Variants in SLC4A5 observed in about 807,000 individuals in gnomAD.
SLC4A5 encodes the protein electrogenic sodium bicarbonate cotransporter 4.
Under a neutral mutation model 120.4 loss-of-function variants are expected in SLC4A5, and 96 were observed. The observed-to-expected ratio is 0.80, with a 90% CI of 0.68 to 0.94. SLC4A5 has a LOEUF of 0.94. SLC4A5 is among the 40% of genes least tolerant of loss of function. The pLI, the probability that SLC4A5 is intolerant of heterozygous loss-of-function variation, is 0.00. For missense variants in SLC4A5, 1,259 were observed against 1,459.5 expected (o/e 0.86, Z 2.24); for synonymous variants, 550 against 571.1 (o/e 0.96, Z 0.53).
chr2:74,262,698 C>CAACAAAAAA (rs1671180308), intron 10 of SLC4A5, among the ~76,000 whole-genome samples: 1 of 106,604 alleles, frequency 9.4e-6, no homozygotes. Flanking sequence ...GACTCCGTCT[C>CAACAAAAAA]AAAAAAAAAA....
chr2:74,285,283 A>G (rs903295061), intron 8 of SLC4A5, among the ~76,000 whole-genome samples: 18 of 152,092 alleles, frequency 1.2e-4, no homozygotes, highest in African/African-American at 4.3e-4. Flanking sequence ...AATGCAGTTG[A>G]CCCCTGAACA....
chr2:74,227,428 G>C, intron 26 of SLC4A5: 1 of 1,500,002 alleles, frequency 6.7e-7, no homozygotes, highest in Non-Finnish European at 9.0e-7. Flanking sequence ...AGAATTCTGG[G>C]ATTTCACAGT....
chr2:74,290,756 G>A, intron 7 of SLC4A5: 1 of 986,098 alleles, frequency 1.0e-6, no homozygotes, highest in Non-Finnish European at 1.2e-6. Flanking sequence ...AGGAAGCCGG[G>A]TCTCCACAGC....
chr2:74,306,178 T>C (rs1218860522), intron 6 of SLC4A5, among the ~76,000 whole-genome samples: 1 of 152,200 alleles, frequency 6.6e-6, no homozygotes, highest in Non-Finnish European at 1.5e-5. Context: ...CCAAAGGGCA[T>C]CAGCCTAATG....
intron 17 of SLC4A5, among the ~76,000 whole-genome samples, chr2:74,250,140 T>C (rs1366844232): frequency 1.3e-5 from 2 of 152,262 alleles, no homozygotes; most frequent in Non-Finnish European, 2.9e-5. Context: ...GTTTGGTCTT[T>C]AGTAATGAGA....
chr2:74,274,916 T>C (rs899647375), intron 8 of SLC4A5, among the ~76,000 whole-genome samples: 3 of 152,230 alleles, frequency 2.0e-5, no homozygotes, highest in African/African-American at 2.4e-5. Context: ...CAGTGTTTAA[T>C]AGACTTAGGA....
chr2:74,261,655 C>G (rs1294858373), intron 11 of SLC4A5, among the ~76,000 whole-genome samples: 2 of 152,172 alleles, frequency 1.3e-5, no homozygotes, highest in Non-Finnish European at 2.9e-5. Context: ...ACACCCCGCC[C>G]CCTACCAGCC....
intron 18 of SLC4A5, among the ~76,000 whole-genome samples, chr2:74,247,576 G>C (rs1193999250): frequency 6.6e-6 from 1 of 151,646 alleles, no homozygotes; most frequent in Admixed American, 6.6e-5. Context: ...CTGCAATGGC[G>C]TGATCTTGGC....
Position 74,308,796 on chromosome 2 carries a change from C to T in SLC4A5, c.80-4116G>A, listed in dbSNP as rs527362507. Among the ~76,000 whole-genome samples, 41 of 151,798 alleles carry T rather than the reference C, an allele frequency of 2.7e-4. 2 individuals are homozygous for T. The highest frequency in any genetic ancestry group is 9.7e-4 in the African/African-American group (40 of 41,374). On this transcript the variant is annotated intron_variant, in intron 6 of 30. Coordinates refer to ENST00000394019, the Ensembl canonical transcript of SLC4A5. Reference sequence around the variant, plus strand: ...TTGTATCTAAAAACTCATCACCAGACCTAAGGTCACCTAGATTTTCTCATA... The same window carrying T: ...TTGTATCTAAAAACTCATCACCAGATCTAAGGTCACCTAGATTTTCTCATA...
At chr2:74,216,858 C>G (rs545972165) in exon 31 of SLC4A5, 1 of 152,354 alleles carries the variant, frequency 6.6e-6, no homozygotes, top group East Asian at 1.9e-4. Flanking sequence ...ATTCCCCCCA[C>G]CTCTGCCTCC....
intron 6 of SLC4A5, among the ~76,000 whole-genome samples, chr2:74,308,412 T>G (rs1276118030): frequency 6.6e-6 from 1 of 152,252 alleles, no homozygotes; most frequent in African/African-American, 2.4e-5. Context: ...TTTTAAAAAA[T>G]AGCCATTCTA....
intron 5 of SLC4A5, among the ~76,000 whole-genome samples, chr2:74,320,967 AAGTG>A (rs1243870819): frequency 6.6e-6 from 1 of 152,220 alleles, no homozygotes; most frequent in African/African-American, 2.4e-5. Context: ...ATAATAAATC[AAGTG>A]AGTGTTAATT....
intron 2 of SLC4A5, among the ~76,000 whole-genome samples, chr2:74,340,875 A>C (rs971259280): frequency 2.0e-5 from 3 of 152,152 alleles, no homozygotes; most frequent in Non-Finnish European, 2.9e-5. Flanking sequence ...CTCCAAGTCA[A>C]GATTGAAGTG....
chr2:74,224,771 G>T, intron 28 of SLC4A5, 69 bp downstream of exon 28: 1 of 1,562,848 alleles, frequency 6.4e-7, no homozygotes, highest in Non-Finnish European at 8.6e-7. Context: ...CCCTCTCCCT[G>T]TCCCTGGCAA....
chr2:74,225,632 A>C (rs1694815809), intron 27 of SLC4A5, among the ~76,000 whole-genome samples: 1 of 152,116 alleles, frequency 6.6e-6, no homozygotes, highest in South Asian at 2.1e-4. Flanking sequence ...AGTGGCTCTC[A>C]AACTTGAGCA....
At chr2:74,318,610 C>T (rs773023952) in intron 5 of SLC4A5, among the ~76,000 whole-genome samples, 4 of 151,640 alleles carry the variant, frequency 2.6e-5, no homozygotes, top group Non-Finnish European at 5.9e-5. Flanking sequence ...CACTTGAACC[C>T]AGAAGGCAGA....
chr2:74,306,034 T>TA (rs1672633279), intron 6 of SLC4A5, among the ~76,000 whole-genome samples: 1 of 152,154 alleles, frequency 6.6e-6, no homozygotes, highest in African/African-American at 2.4e-5. Flanking sequence ...CCAACCCCCT[T>TA]TTTACTTACT....
At chr2:74,323,007 G>C (rs1019741033) in intron 5 of SLC4A5, among the ~76,000 whole-genome samples, 1 of 152,208 alleles carries the variant, frequency 6.6e-6, no homozygotes, top group African/African-American at 2.4e-5. Flanking sequence ...GGGAGGCTAA[G>C]GCGGGTGGAT....
At chr2:74,302,724 A>G (rs1337677597) in intron 7 of SLC4A5, among the ~76,000 whole-genome samples, 2 of 152,240 alleles carry the variant, frequency 1.3e-5, no homozygotes, top group African/African-American at 2.4e-5. Flanking sequence ...TGTCAAATCC[A>G]CCATCTATAA....
Sources: gnomAD v4.1 joint callset for allele counts (sites outside exome capture counted in the v4.1 genomes callset) on GRCh38, gnomAD v4.1.1 for gene constraint, MANE v1.5 for transcripts, NCBI Gene and HGNC (gene_info 2026-07-23, HGNC 2026-07-21) for gene names.